Variants in COBL observed in about 807,000 individuals in gnomAD.
COBL encodes the protein cordon-bleu WH2 repeat protein.
A neutral mutation model predicts 98.8 loss-of-function variants in COBL; 51 were observed. The ratio of observed to expected loss-of-function variants is 0.52; its 90% CI spans 0.41 to 0.65. The LOEUF (loss-of-function observed/expected upper bound fraction) is 0.65, where lower values mean the gene tolerates loss of function less well. COBL is among the 30% of genes least tolerant of loss of function. COBL has a pLI of 0.00. For missense variants in COBL, 1,617 were observed against 1,617.5 expected (o/e 1.00, Z 0.01); for synonymous variants, 634 against 651.7 (o/e 0.97, Z 0.41).
intron 5 of COBL, among the ~76,000 whole-genome samples, chr7:51,174,284 T>C (rs1391353098): frequency 6.6e-6 from 1 of 152,162 alleles, no homozygotes; most frequent in African/African-American, 2.4e-5. Context: ...ATGGAGCTGA[T>C]AATGCCTCTC....
chr7:51,205,994 T>G (rs13230397), intron 2 of COBL, among the ~76,000 whole-genome samples: 3,383 of 152,224 alleles, frequency 0.022, 45 homozygotes, highest in Non-Finnish European at 0.035. Flanking sequence ...CAATATCACC[T>G]CACACCTGTT....
chr7:51,156,873 C>T (rs549740723), intron 5 of COBL, among the ~76,000 whole-genome samples: 2 of 152,176 alleles, frequency 1.3e-5, no homozygotes, highest in Non-Finnish European at 2.9e-5. Context: ...AACACAGGTG[C>T]CCCTAAGCTG....
intron 6 of COBL, among the ~76,000 whole-genome samples, chr7:51,103,993 T>G (rs906708229): frequency 2.0e-5 from 3 of 152,230 alleles, no homozygotes; most frequent in African/African-American, 7.2e-5. Flanking sequence ...CTAATTCCCT[T>G]TCCACTAATC....
chr7:51,039,804 C>T (rs1379071392), intron 8 of COBL, among the ~76,000 whole-genome samples: 1 of 152,174 alleles, frequency 6.6e-6, no homozygotes, highest in Admixed American at 6.5e-5. Flanking sequence ...TCCGTTTCAC[C>T]CTGAGTGCCT....
chr7:51,251,431 G>T (rs958660402), intron 1 of COBL, among the ~76,000 whole-genome samples: 1 of 152,178 alleles, frequency 6.6e-6, no homozygotes, highest in African/African-American at 2.4e-5. Context: ...ATACAAAGGT[G>T]TGACAACTTA....
intron 5 of COBL, among the ~76,000 whole-genome samples, chr7:51,145,023 CT>C (rs1267349258): frequency 1.3e-5 from 2 of 152,170 alleles, no homozygotes; most frequent in East Asian, 1.9e-4. Context: ...GTTTTTAATT[CT>C]TTTTTTCTAG....
chr7:51,230,334 A>C (rs2129103341), intron 1 of COBL, among the ~76,000 whole-genome samples: 1 of 152,210 alleles, frequency 6.6e-6, no homozygotes, highest in East Asian at 1.9e-4. Flanking sequence ...TCATGGCTTC[A>C]TTATGTGCCA....
intron 5 of COBL, among the ~76,000 whole-genome samples, chr7:51,181,802 C>T (rs1047557171): frequency 2.0e-5 from 3 of 152,000 alleles, no homozygotes; most frequent in South Asian, 2.1e-4. Context: ...TTGCAATCCA[C>T]GAACGGGACT....
At chr7:51,150,135 G>A (rs190750550) in intron 5 of COBL, among the ~76,000 whole-genome samples, 6 of 152,228 alleles carry the variant, frequency 3.9e-5, no homozygotes, top group South Asian at 2.1e-4. Context: ...GAGAGGAGCC[G>A]AGCCCCTCTG....
intron 6 of COBL, among the ~76,000 whole-genome samples, chr7:51,098,879 T>C (rs1271806394): frequency 2.0e-5 from 3 of 152,110 alleles, no homozygotes; most frequent in East Asian, 1.9e-4. Flanking sequence ...GGTTAATATA[T>C]AGACTATATA....
intron 7 of COBL, among the ~76,000 whole-genome samples, chr7:51,057,309 T>C (rs1020653817): frequency 6.8e-6 from 1 of 147,844 alleles, no homozygotes; most frequent in Non-Finnish European, 1.5e-5. Flanking sequence ...AAACAGTATA[T>C]ATATATGCGT....
At chr7:51,116,400 C>A (rs1373413215) in intron 6 of COBL, among the ~76,000 whole-genome samples, 1 of 152,088 alleles carries the variant, frequency 6.6e-6, no homozygotes, top group Admixed American at 6.5e-5. Flanking sequence ...AGTATTATAA[C>A]CCTTCACATC....
intron 5 of COBL, among the ~76,000 whole-genome samples, chr7:51,141,579 G>T (rs1273440592): frequency 6.6e-6 from 1 of 151,960 alleles, no homozygotes. Flanking sequence ...TCCTGTTGCT[G>T]CCTGCAGCCT....
chr7:51,201,815 G>GA (rs147012070), intron 2 of COBL, among the ~76,000 whole-genome samples: 4,776 of 150,026 alleles, frequency 0.032, 213 homozygotes, highest in South Asian at 0.15. Flanking sequence ...TTCTAAGAAT[G>GA]AAAAAAAAAT....
At chr7:51,054,161 G>A (rs530645317) in intron 7 of COBL, among the ~76,000 whole-genome samples, 1 of 152,296 alleles carries the variant, frequency 6.6e-6, no homozygotes, top group Admixed American at 6.5e-5. Flanking sequence ...TCCAGCCTAG[G>A]GGACAGAGTG....
chr7:51,175,905 A>G (rs1788325337), intron 5 of COBL, among the ~76,000 whole-genome samples: 1 of 152,182 alleles, frequency 6.6e-6, no homozygotes. Context: ...TATTCATCCC[A>G]TAAATTTACC....
At position 51,136,345 on chromosome 7, in the gene COBL, G is replaced by C. The variant is rs766850887; in HGVS notation, c.784-14C>G. ...CGTTAAACAGCCCTGTTGGGGAAGA[G>C]ACAAACAGAAAACCAAATCAGTATG... is the stretch of plus-strand genomic sequence containing the variant. On this transcript the variant is annotated splice_polypyrimidine_tract_variant and intron_variant, in intron 5 of 12. Transcript: ENST00000265136. The C allele has an allele frequency of 1.1e-5, 18 of 1,604,030 alleles. No individual in the cohort carries two copies. Among genetic ancestry groups the C allele is most frequent in the Non-Finnish European group, 1.5e-5 (18 of 1,176,200 alleles).
In COBL at chr7:51,113,466, T is replaced by C. The variant is rs535578301; in HGVS notation, c.957+22692A>G. Among the ~76,000 whole-genome samples the C allele has an allele frequency of 7.8e-4, 119 of 152,310 alleles. 1 individual carries two copies. Among genetic ancestry groups the C allele is most frequent in the Admixed American group, 3.4e-3 (52 of 15,302 alleles). ...ATATTCTATCCTCTCTTAAAAAACA[T>C]TGTTAAGAAAGTTTTTAGTCACTGG... On this transcript the variant is annotated intron_variant, in intron 6 of 12. Coordinates refer to ENST00000265136, the MANE Select transcript of COBL (RefSeq NM_015198.5).
chr7:51,027,835 G>T lies in COBL; in HGVS notation c.3261C>A (p.Ser1087Arg). The T allele has an allele frequency of 6.2e-7, 1 of 1,614,242 alleles. No individual in the cohort carries two copies. The highest frequency in any genetic ancestry group is 1.3e-5 in the African/African-American group (1 of 75,070). The change falls in exon 10 of 13, where the codon AGC (serine) becomes AGA (arginine). Residue 1087 changes from serine (S) to arginine (R), a missense_variant. Physicochemically the swap from Ser to Arg is moderately radical, Grantham distance 110 (BLOSUM62 -1). Coordinates refer to ENST00000265136, the MANE Select transcript of COBL (RefSeq NM_015198.5). ...GNETDSIWPP[S>R]IFGPKKKFKP... ...TGAATTTTTTCTTCGGCCCAAAAAT[G>T]CTGGGTGGCCAAATACTGTCTGTTT...
Sources: allele counts gnomAD v4.1 joint callset (sites outside exome capture counted in the v4.1 genomes callset), GRCh38; gene constraint gnomAD v4.1.1; transcripts MANE v1.5; gene names NCBI Gene and HGNC (gene_info 2026-07-23, HGNC 2026-07-21).